Variants in BMPR1A observed in about 807,000 individuals in gnomAD.
BMPR1A encodes the protein bone morphogenetic protein receptor type 1A, also known as bone morphogenetic protein receptor type-1A.
Under a neutral mutation model 66.0 loss-of-function variants are expected in BMPR1A, and 7 were observed. The observed-to-expected ratio is 0.11, with a 90% CI of 0.06 to 0.20. BMPR1A has a LOEUF of 0.20. BMPR1A is among the 10% of genes least tolerant of loss of function. The pLI is 1.00. For synonymous variants in BMPR1A, 200 were observed against 229.7 expected, an observed-to-expected ratio of 0.87 and a Z score of 1.17; for missense variants, 408 against 669.1, an observed-to-expected ratio of 0.61 and a Z score of 4.31.
chr10:86,764,704 TCA>T (rs1841135844), intron 1 of BMPR1A, among the ~76,000 whole-genome samples: 2 of 152,214 alleles, frequency 1.3e-5, no homozygotes, highest in African/African-American at 4.8e-5. Flanking sequence ...AATATCCGAT[TCA>T]GGTTTGGGTT....
intron 8 of BMPR1A, among the ~76,000 whole-genome samples, chr10:86,913,209 C>A (rs1327009542): frequency 6.6e-6 from 1 of 151,910 alleles, no homozygotes; most frequent in Non-Finnish European, 1.5e-5. Flanking sequence ...CACTGCAACC[C>A]CTGCTTCCCA....
intron 1 of BMPR1A, among the ~76,000 whole-genome samples, chr10:86,781,955 C>T (rs1362022040): frequency 1.3e-5 from 2 of 151,120 alleles, no homozygotes; most frequent in Non-Finnish European, 2.9e-5. Flanking sequence ...CAACCCCCGC[C>T]TCCCAGGTTC....
chr10:86,773,290 G>A (rs1160994878), intron 1 of BMPR1A, among the ~76,000 whole-genome samples: 5 of 151,822 alleles, frequency 3.3e-5, no homozygotes, highest in African/African-American at 4.8e-5. Flanking sequence ...ACTGTAGGAG[G>A]TTAAAAACCA....
chr10:86,890,740 T>C (rs1187531836), intron 4 of BMPR1A, among the ~76,000 whole-genome samples: 1 of 152,218 alleles, frequency 6.6e-6, no homozygotes, highest in East Asian at 1.9e-4. Context: ...GGCCTCCTAC[T>C]TCTTAATTAG....
intron 1 of BMPR1A, among the ~76,000 whole-genome samples, chr10:86,763,009 C>T (rs1253097782): frequency 1.3e-5 from 2 of 152,160 alleles, no homozygotes; most frequent in African/African-American, 4.8e-5. Context: ...GATTCTCATG[C>T]CTCAGCCTCC....
At chr10:86,839,879 C>A (rs1048338172) in intron 2 of BMPR1A, among the ~76,000 whole-genome samples, 22 of 152,142 alleles carry the variant, frequency 1.4e-4, no homozygotes, top group African/African-American at 5.1e-4. Context: ...TCAGGCTGGT[C>A]TTGAACCCCT....
intron 1 of BMPR1A, among the ~76,000 whole-genome samples, chr10:86,824,112 T>TGTGTGTGTGTTTGTGTGTGTGTG (rs1564695887): frequency 6.6e-6 from 1 of 151,738 alleles, no homozygotes; most frequent in Non-Finnish European, 1.5e-5. Flanking sequence ...TGTGTGTGTG[T>TGTGTGTGTGTTTGTGTGTGTGTG]TTCTTTCAGT....
At chr10:86,822,382 A>G (rs1842131681) in intron 1 of BMPR1A, among the ~76,000 whole-genome samples, 1 of 152,212 alleles carries the variant, frequency 6.6e-6, no homozygotes, top group Non-Finnish European at 1.5e-5. Context: ...CACATACCAT[A>G]CAATTATTTA....
At chr10:86,761,741 C>T (rs1020799028) in intron 1 of BMPR1A, among the ~76,000 whole-genome samples, 3 of 152,086 alleles carry the variant, frequency 2.0e-5, no homozygotes, top group South Asian at 2.1e-4. Context: ...GGATAGGAGG[C>T]GATAACTAGC....
At chr10:86,807,490 C>T (rs536122438) in intron 1 of BMPR1A, among the ~76,000 whole-genome samples, 120 of 152,168 alleles carry the variant, frequency 7.9e-4, no homozygotes, top group Non-Finnish European at 7.5e-4. Context: ...AAGCGGTCCT[C>T]CTGCCTCAGC....
intron 1 of BMPR1A, among the ~76,000 whole-genome samples, chr10:86,835,899 T>G (rs1488247338): frequency 6.6e-6 from 1 of 152,242 alleles, no homozygotes; most frequent in African/African-American, 2.4e-5. Flanking sequence ...TTGCAAATAA[T>G]TATTAATGTT....
At chr10:86,887,080 A>G (rs141797553) in intron 3 of BMPR1A, among the ~76,000 whole-genome samples, 1,926 of 151,936 alleles carry the variant, frequency 0.013, 36 homozygotes, top group African/African-American at 0.043. Context: ...TGATGTGCCC[A>G]CTTTGGCCTC....
chr10:86,919,329 G>T lies in BMPR1A; in HGVS notation c.1026G>T (p.Leu342=), dbSNP rs768598838. 6.2e-7 allele frequency: 1 copy of T among 1,613,658 alleles called. No individual in the cohort carries two copies. The highest frequency in any genetic ancestry group is 1.7e-4 in the Middle Eastern group (1 of 5,812). Residue 342 remains leucine (L), a synonymous_variant, in exon 10 of 13, where the codon CTG becomes CTT. Coordinates refer to ENST00000372037, the MANE Select transcript of BMPR1A (RefSeq NM_004329.3). ...LKLAYSAACG[L]CHLHTEIYGT... ...TGGCTTATTCAGCTGCCTGTGGTCT[G>T]TGCCACCTGCACACAGAAATTTATG...
intron 1 of BMPR1A, among the ~76,000 whole-genome samples, chr10:86,769,756 G>A (rs775338220): frequency 6.6e-6 from 1 of 152,162 alleles, no homozygotes; most frequent in East Asian, 1.9e-4. Flanking sequence ...CATTCCTGGA[G>A]GTTAAGAATA....
At chr10:86,788,773 A>G (rs977264977) in intron 1 of BMPR1A, among the ~76,000 whole-genome samples, 2 of 151,772 alleles carry the variant, frequency 1.3e-5, no homozygotes, top group African/African-American at 4.8e-5. Flanking sequence ...TGCCCGGCTT[A>G]TTTTTGTATT....
chr10:86,845,952 G>A (rs553229421), intron 2 of BMPR1A, among the ~76,000 whole-genome samples: 6 of 151,750 alleles, frequency 4.0e-5, no homozygotes, highest in African/African-American at 1.5e-4. Context: ...AGCCAAGATC[G>A]TGCCACTGCA....
intron 1 of BMPR1A, among the ~76,000 whole-genome samples, chr10:86,794,787 A>G (rs11202186): frequency 0.01 from 1,582 of 151,920 alleles, 28 homozygotes; most frequent in South Asian, 0.078. Context: ...TCGTATAGTC[A>G]CTAGGATTTA....
At chr10:86,870,454 G>T (rs747593264) in intron 2 of BMPR1A, among the ~76,000 whole-genome samples, 1 of 152,024 alleles carries the variant, frequency 6.6e-6, no homozygotes, top group Non-Finnish European at 1.5e-5. Context: ...ACAAGGTCTC[G>T]CTCTGTTGCC....
intron 2 of BMPR1A, among the ~76,000 whole-genome samples, chr10:86,840,946 C>T (rs1842417871): frequency 6.6e-6 from 1 of 152,212 alleles, no homozygotes; most frequent in Non-Finnish European, 1.5e-5. Context: ...TTGCAGGGAT[C>T]TCCCAGCTTG....
Sources: allele counts gnomAD v4.1 joint callset (sites outside exome capture counted in the v4.1 genomes callset), GRCh38; gene constraint gnomAD v4.1.1; transcripts MANE v1.5; gene names NCBI Gene and HGNC (gene_info 2026-07-23, HGNC 2026-07-21).